Variants in IGF2BP2 observed in about 807,000 individuals in gnomAD.
The protein encoded by IGF2BP2 is insulin-like growth factor 2 mRNA-binding protein 2.
IGF2BP2 carries 17 observed loss-of-function variants against 75.8 expected under a neutral mutation model. The observed-to-expected ratio is 0.22, with a 90% confidence interval of 0.15 to 0.34. The LOEUF (loss-of-function observed/expected upper bound fraction) is 0.34, where lower values mean the gene tolerates loss of function less well. Among genes scored for constraint, IGF2BP2 ranks in the 10% least tolerant of loss-of-function variants. The pLI, the probability that IGF2BP2 is intolerant of heterozygous loss-of-function variation, is 1.00. For synonymous variants in IGF2BP2, 288 were observed against 295.6 expected, an observed-to-expected ratio of 0.97 and a Z score of 0.26; for missense variants, 516 against 772.4, an observed-to-expected ratio of 0.67 and a Z score of 3.93.
chr3:185,675,440 T>C lies in IGF2BP2; in HGVS notation c.936-9A>G, dbSNP rs1447637181. The C allele has an allele frequency of 6.3e-7, 1 of 1,594,218 alleles. No homozygotes were observed. Reference sequence around the variant, plus strand: ...TGCTCAAATCCTGCAAACTGACCCATGAGAAGAAAAGAGAAATTTTGTTTT... The same window carrying C: ...TGCTCAAATCCTGCAAACTGACCCACGAGAAGAAAAGAGAAATTTTGTTTT... On this transcript the variant is annotated splice_polypyrimidine_tract_variant and intron_variant, in intron 8 of 15. Coordinates refer to ENST00000382199, the MANE Select transcript of IGF2BP2 (RefSeq NM_006548.6).
chr3:185,749,748 A>G (rs1228921260), intron 2 of IGF2BP2, among the ~76,000 whole-genome samples: 1 of 152,242 alleles, frequency 6.6e-6, no homozygotes, highest in African/African-American at 2.4e-5. Context: ...TAGCCAGGAT[A>G]TGATCTCTCA....
chr3:185,766,700 CT>C (rs1465487724), intron 2 of IGF2BP2, among the ~76,000 whole-genome samples: 3 of 152,166 alleles, frequency 2.0e-5, no homozygotes, highest in Admixed American at 1.3e-4. Flanking sequence ...GTGAAAAATA[CT>C]TTTTACTGAT....
intron 2 of IGF2BP2, among the ~76,000 whole-genome samples, chr3:185,769,141 G>A (rs377101761): frequency 1.3e-5 from 2 of 152,272 alleles, no homozygotes; most frequent in African/African-American, 4.8e-5. Flanking sequence ...CCAGGCATTT[G>A]AGATCAGCCT....
At chr3:185,768,375 G>A (rs1023512453) in intron 2 of IGF2BP2, among the ~76,000 whole-genome samples, 3 of 152,146 alleles carry the variant, frequency 2.0e-5, no homozygotes, top group African/African-American at 7.2e-5. Flanking sequence ...GAGCTAACCC[G>A]AGGGCTGATG....
chr3:185,762,130 G>A (rs1054639964), intron 2 of IGF2BP2, among the ~76,000 whole-genome samples: 4 of 152,132 alleles, frequency 2.6e-5, no homozygotes, highest in South Asian at 2.1e-4. Flanking sequence ...GCTCACGCCT[G>A]TAATCCCAGC....
At chr3:185,677,068 T>TATATATAGAGAGAGAGAGAGAGAGAG in intron 7 of IGF2BP2, among the ~76,000 whole-genome samples, 4 of 35,858 alleles carry the variant, frequency 1.1e-4, no homozygotes, top group Non-Finnish European at 1.4e-4. Flanking sequence ...TATATATATA[T>TATATATAGAGAGAGAGAGAGAGAGAG]AGAGAGAGAG....
At chr3:185,742,012 CAT>C (rs1729616456) in intron 2 of IGF2BP2, among the ~76,000 whole-genome samples, 3 of 152,204 alleles carry the variant, frequency 2.0e-5, no homozygotes, top group South Asian at 2.1e-4. Flanking sequence ...AGAGATAATT[CAT>C]AGTTTCTTTT....
chr3:185,662,839 G>C (rs1311011401), intron 10 of IGF2BP2, among the ~76,000 whole-genome samples: 2 of 151,800 alleles, frequency 1.3e-5, no homozygotes, highest in Non-Finnish European at 2.9e-5. Flanking sequence ...CACTGCAGCT[G>C]GCTAATTTTT....
chr3:185,726,491 AG>A (rs543750063), intron 2 of IGF2BP2, among the ~76,000 whole-genome samples: 1 of 152,244 alleles, frequency 6.6e-6, no homozygotes, highest in African/African-American at 2.4e-5. Context: ...AAGTGGGCAC[AG>A]GAACACCTGC....
At chr3:185,817,522 T>A (rs1459653322) in intron 2 of IGF2BP2, among the ~76,000 whole-genome samples, 1 of 152,150 alleles carries the variant, frequency 6.6e-6, no homozygotes, top group Non-Finnish European at 1.5e-5. Flanking sequence ...CAGACTAAAG[T>A]CCATGATCAA....
intron 2 of IGF2BP2, among the ~76,000 whole-genome samples, chr3:185,804,592 C>T (rs994822137): frequency 6.6e-6 from 1 of 152,012 alleles, no homozygotes; most frequent in African/African-American, 2.4e-5. Flanking sequence ...TAATTGAAAA[C>T]AATATAAATT....
At chr3:185,813,702 G>C (rs773741153) in intron 2 of IGF2BP2, among the ~76,000 whole-genome samples, 34 of 152,222 alleles carry the variant, frequency 2.2e-4, no homozygotes, top group Non-Finnish European at 4.0e-4. Context: ...AAGCTCATGT[G>C]TCTGCTGCAC....
chr3:185,808,725 AT>A lies in IGF2BP2; in HGVS notation c.239+14427del, dbSNP rs71164545. On this transcript the variant is annotated intron_variant, in intron 2 of 15. Transcript: ENST00000382199. ...CAGGTGCATGCCACCACACCTGGCT[AT>A]TTTTTTTTTTTTTATCATTTTAGTA... is the stretch of plus-strand genomic sequence containing the variant. 2.2e-3 allele frequency among the ~76,000 whole-genome samples: 314 copies of A among 140,912 alleles called. 1 individual carries two copies. The highest frequency in any genetic ancestry group is 3.8e-3 in the Middle Eastern group (1 of 266). The allele number at this position is 140,912 out of a possible 152,430, so 92.4% of individuals were successfully genotyped here. A position where few individuals can be genotyped will look rare whatever the true frequency, so the allele number is the denominator to read the frequency against.
chr3:185,728,089 AACTATGTTTGCGATTC>A (rs1169127381), intron 2 of IGF2BP2, among the ~76,000 whole-genome samples: 1 of 152,204 alleles, frequency 6.6e-6, no homozygotes, highest in African/African-American at 2.4e-5. Flanking sequence ...CGTATACCTG[AACTATGTTTGCGATTC>A]ACACAAAATA....
At chr3:185,763,954 C>T (rs939650348) in intron 2 of IGF2BP2, among the ~76,000 whole-genome samples, 3 of 152,010 alleles carry the variant, frequency 2.0e-5, no homozygotes, top group African/African-American at 4.8e-5. Flanking sequence ...TGGGTAACTC[C>T]GTTCTGCTGC....
intron 2 of IGF2BP2, among the ~76,000 whole-genome samples, chr3:185,736,609 T>C (rs1168873047): frequency 6.6e-6 from 1 of 152,204 alleles, no homozygotes; most frequent in Non-Finnish European, 1.5e-5. Flanking sequence ...AATGTGGCCG[T>C]GAATTAAACA....
chr3:185,644,137 A>C lies in IGF2BP2; in HGVS notation c.*1394T>G, dbSNP rs2149010515. On this transcript the variant is annotated 3_prime_UTR_variant, in exon 16 of 16. Transcript: ENST00000382199. ...TTTTTTTTCCAACTCATTTTTATTA[A>C]AAAAATAAAAAAATGCTCCAACTAT... 1 of 152,496 alleles carries C rather than the reference A, an allele frequency of 6.6e-6. No homozygotes were observed. Among genetic ancestry groups the C allele is most frequent in the East Asian group, 1.9e-4 (1 of 5,174 alleles). The allele number at this position is 152,496 out of a possible 1,614,324, so 9.4% of individuals were successfully genotyped here. A position where few individuals can be genotyped will look rare whatever the true frequency, so the allele number is the denominator to read the frequency against.
intron 2 of IGF2BP2, among the ~76,000 whole-genome samples, chr3:185,793,707 G>A (rs921986740): frequency 6.6e-6 from 1 of 152,136 alleles, no homozygotes; most frequent in Non-Finnish European, 1.5e-5. Flanking sequence ...TCCTGAGGCA[G>A]TAAGAAACTG....
chr3:185,745,782 C>G (rs1730177944), intron 2 of IGF2BP2, among the ~76,000 whole-genome samples: 1 of 147,300 alleles, frequency 6.8e-6, no homozygotes, highest in African/African-American at 2.4e-5. Flanking sequence ...AGCATAGCTG[C>G]TGCCCAACAG....
Sources: allele counts gnomAD v4.1 joint callset (sites outside exome capture counted in the v4.1 genomes callset), GRCh38; gene constraint gnomAD v4.1.1; transcripts MANE v1.5; gene names NCBI Gene and HGNC (gene_info 2026-07-23, HGNC 2026-07-21).